The following C4orf50 variants were observed in gnomAD, a reference collection of about 807,000 sequenced individuals.
C4orf50 encodes the protein chromosome 4 open reading frame 50.
Under a neutral mutation model 77.2 loss-of-function variants are expected in C4orf50, and 80 were observed. The ratio of observed to expected loss-of-function variants is 1.04; its 90% confidence interval spans 0.87 to 1.25. C4orf50 has a LOEUF of 1.25. Among genes scored for constraint, C4orf50 ranks in the 50% most tolerant of loss-of-function variants. The probability of loss-of-function intolerance (pLI) is 0.00; values close to 1 mark genes in which losing one functional copy is unlikely to be tolerated. For missense variants in C4orf50, 1,257 were observed against 1,152.9 expected (o/e 1.09, Z -1.31); for synonymous variants, 532 against 465.3 (o/e 1.14, Z -1.84).
At position 6,008,613 on chromosome 4, in the gene C4orf50, A is replaced by G. The variant is rs1359664998; in HGVS notation, c.427-81T>C. 2.5e-6 allele frequency: 1 copy of G among 394,650 alleles called. No homozygotes were observed. The highest frequency in any genetic ancestry group is 4.5e-6 in the Non-Finnish European group (1 of 223,624). 24.4% of individuals were successfully genotyped at this position (394,650 alleles called of 1,614,324 possible). ...CACATTGGTCCTGTCTTGACTTAAC[A>G]TTTCTGTATTTTGTGCATGGTGCGT... On this transcript the variant is annotated intron_variant, in intron 24 of 33. Transcript: ENST00000531445. This position sits in a 1 kb window ranked among gnomAD's most constrained non-coding sequence, Gnocchi z 6.0.
chr4:5,990,196 G>T, exon 28 of C4orf50: 1 of 1,245,578 alleles, frequency 8.0e-7, no homozygotes, highest in South Asian at 3.9e-5. Flanking sequence ...CCAGGACCCA[G>T]GGCGGCAGGT....
intron 31 of C4orf50, among the ~76,000 whole-genome samples, chr4:5,972,097 C>T (rs545261090): frequency 2.9e-4 from 44 of 150,604 alleles, no homozygotes; most frequent in Non-Finnish European, 3.7e-4. Context: ...CTCCACTTCC[C>T]GGGTTCAAGA....
At chr4:6,010,598 G>A (rs1273254749) in intron 24 of C4orf50, among the ~76,000 whole-genome samples, 2 of 152,322 alleles carry the variant, frequency 1.3e-5, no homozygotes, top group African/African-American at 4.8e-5. Flanking sequence ...CTGATTTTAA[G>A]TGCTAGTTGT....
intron 27 of C4orf50, 86 bp from the exon 6 acceptor site, chr4:5,990,910 C>T (rs1039555350): frequency 2.5e-5 from 10 of 398,162 alleles, no homozygotes; most frequent in Middle Eastern, 6.2e-4. Flanking sequence ...TGGGGTTCTC[C>T]GTGTTTCCTC....
At chr4:6,003,538 G>A (rs1364413198) in intron 25 of C4orf50, among the ~76,000 whole-genome samples, 1 of 151,996 alleles carries the variant, frequency 6.6e-6, no homozygotes, top group Non-Finnish European at 1.5e-5. Context: ...GGTGGTGATG[G>A]TGATGGTGAC....
downstream of C4orf50, among the ~76,000 whole-genome samples, chr4:5,952,513 G>C (rs977647096): frequency 6.6e-6 from 1 of 152,168 alleles, no homozygotes; most frequent in Admixed American, 6.5e-5. This position sits in a 1 kb window ranked among gnomAD's most constrained non-coding sequence, Gnocchi z 4.4. Context: ...GCCCCAGGCG[G>C]CACAGTCAAG....
At chr4:6,002,505 C>A (rs1235835737) in intron 25 of C4orf50, among the ~76,000 whole-genome samples, 1 of 152,240 alleles carries the variant, frequency 6.6e-6, no homozygotes, top group Non-Finnish European at 1.5e-5. Flanking sequence ...CCCGGGAATA[C>A]CCCAGGTGAT....
intron 7 of C4orf50, among the ~76,000 whole-genome samples, chr4:5,912,256 C>CGTGTGTGTGTGTGTGT (rs58017259): frequency 1.2e-4 from 18 of 146,426 alleles, no homozygotes; most frequent in African/African-American, 2.6e-4. Flanking sequence ...GCACTCCACT[C>CGTGTGTGTGTGTGTGT]GTGTGTGTGT....
Position 6,018,048 on chromosome 4 carries a change from C to T in C4orf50, c.287+97G>A, listed in dbSNP as rs919732957. 4.2e-4 allele frequency: 165 copies of T among 397,576 alleles called. No homozygotes were observed. The highest frequency in any genetic ancestry group is 3.1e-3 in the African/African-American group (151 of 48,616). The allele number at this position is 397,576 out of a possible 1,614,324, so 24.6% of individuals were successfully genotyped here. ...ACGTGTCTTTGGTGAGCCAGTTTCC[C>T]CAGCTGTGTGGTGTGATTCAACACA... On this transcript the variant is annotated intron_variant, in intron 23 of 33. Transcript: ENST00000531445. The surrounding 1 kb of genome is among the most constrained non-coding windows in gnomAD (Gnocchi z 5.1).
rs574719491 is a variant in C4orf50 at position 5,932,001 on chromosome 4, C to T, written c.*2474+24900G>A. 3.3e-5 allele frequency among the ~76,000 whole-genome samples: 5 copies of T among 152,172 alleles called. No individual in the cohort carries two copies. The highest frequency in any genetic ancestry group is 4.1e-4 in the South Asian group (2 of 4,824). On this transcript the variant is annotated intron_variant, in intron 7 of 7. Transcript: ENST00000324058. This position sits in a 1 kb window ranked among gnomAD's most constrained non-coding sequence, Gnocchi z 4.2. ...GGCAATGTCACCAGCTCAGTATTTA[C>T]GGAGAGTTGTCACCTGACCCCAAAA...
intron 7 of C4orf50, among the ~76,000 whole-genome samples, chr4:5,948,040 G>A (rs1390080191): frequency 6.6e-6 from 1 of 152,160 alleles, no homozygotes; most frequent in African/African-American, 2.4e-5. Flanking sequence ...AATTTGGGAT[G>A]AATCCACCAA....
chr4:6,018,184 T>C lies in C4orf50; in HGVS notation c.248A>G (p.Glu83Gly). Residue 83 changes from glutamate to glycine, a missense_variant, in exon 23 of 34, where the codon GAG becomes GGG. By Grantham distance (98) the Glu-to-Gly change is moderately conservative. Coordinates refer to ENST00000531445, the Ensembl canonical transcript of C4orf50. This position sits in a 1 kb window ranked among gnomAD's most constrained non-coding sequence, Gnocchi z 5.1. Reference sequence around the variant, plus strand: ...GGACTCCGATGTCACGTACTTGTCCTCTGCTGCTGACAGCTTCTGCTCGGA... The same window carrying C: ...GGACTCCGATGTCACGTACTTGTCCCCTGCTGCTGACAGCTTCTGCTCGGA... 1 of 398,974 alleles carries C rather than the reference T, an allele frequency of 2.5e-6. No homozygotes were observed. Among genetic ancestry groups the C allele is most frequent in the Non-Finnish European group, 4.4e-6 (1 of 226,068 alleles). 24.7% of individuals were successfully genotyped at this position (398,974 alleles called of 1,614,324 possible).
chr4:5,989,441 C>T, exon 28 of C4orf50: 3 of 1,536,108 alleles, frequency 2.0e-6, no homozygotes, highest in Non-Finnish European at 2.6e-6. Flanking sequence ...TTAGACTTCG[C>T]TTCTTCATTA....
In C4orf50 at chr4:5,905,417, C is replaced by T. The variant is rs1357243034; in HGVS notation, c.*2475-7229G>A. 1 of 152,212 alleles carries T rather than the reference C, an allele frequency of 6.6e-6. No individual in the cohort carries two copies. Among genetic ancestry groups the T allele is most frequent in the East Asian group, 1.9e-4 (1 of 5,186 alleles). The allele number at this position is 152,212 out of a possible 1,614,324, so 9.4% of individuals were successfully genotyped here. ...TGAGAAGGATGTAAATATTTTCCAGCTTGCTATGTTTGCCCCTGTGCTGTC... is the reference window on the plus strand; with the variant it reads ...TGAGAAGGATGTAAATATTTTCCAGTTTGCTATGTTTGCCCCTGTGCTGTC... On this transcript the variant is annotated intron_variant, in intron 7 of 7. Coordinates refer to the C4orf50 transcript ENST00000324058. The surrounding 1 kb of genome is among the most constrained non-coding windows in gnomAD (Gnocchi z 5.4).
chr4:5,993,682 T>C (rs1721417015), intron 26 of C4orf50, among the ~76,000 whole-genome samples: 1 of 151,562 alleles, frequency 6.6e-6, no homozygotes, highest in Admixed American at 6.6e-5. Context: ...CCGGGCATGG[T>C]GGTGGGAGCC....
chr4:6,001,183 C>T (rs910321756), intron 25 of C4orf50, among the ~76,000 whole-genome samples: 3 of 152,164 alleles, frequency 2.0e-5, no homozygotes, highest in African/African-American at 4.8e-5. Context: ...GACAGAGTCT[C>T]GTTCTGCCAG....
At chr4:5,903,945 G>C (rs908528021) in intron 7 of C4orf50, 1 of 152,110 alleles carries the variant, frequency 6.6e-6, no homozygotes, top group Non-Finnish European at 1.5e-5. Flanking sequence ...GCCAGTACCC[G>C]CTGTGGACTG....
chr4:5,911,278 G>A (rs1373174471), intron 7 of C4orf50, among the ~76,000 whole-genome samples: 2 of 152,104 alleles, frequency 1.3e-5, no homozygotes, highest in Non-Finnish European at 2.9e-5. Flanking sequence ...CCCCCACATC[G>A]AGTATCTGTG....
chr4:5,995,490 C>T (rs1721530788), intron 25 of C4orf50, among the ~76,000 whole-genome samples: 1 of 150,380 alleles, frequency 6.6e-6, no homozygotes, highest in Non-Finnish European at 1.5e-5. Context: ...CACACACACA[C>T]ACACACACAC....
Sources: gnomAD v4.1 joint callset for allele counts (sites outside exome capture counted in the v4.1 genomes callset) on GRCh38, gnomAD v4.1.1 for gene constraint, Gnocchi (gnomAD v3.1) non-coding constraint, MANE v1.5 for transcripts, NCBI Gene and HGNC (gene_info 2026-07-23, HGNC 2026-07-21) for gene names.